The following RPTOR variants were observed in gnomAD, a reference collection of about 807,000 sequenced individuals.
RPTOR encodes the protein regulatory associated protein of MTOR complex 1.
A neutral mutation model predicts 169.9 loss-of-function variants in RPTOR; 21 were observed. That is an observed-to-expected ratio of 0.12 (90% CI 0.09 to 0.18). RPTOR has a LOEUF of 0.18. Among genes scored for constraint, RPTOR ranks in the 10% least tolerant of loss-of-function variants. RPTOR has a pLI of 1.00. For synonymous variants in RPTOR, 732 were observed against 753.2 expected, an observed-to-expected ratio of 0.97 and a Z score of 0.46; for missense variants, 1,133 against 1,855.9, an observed-to-expected ratio of 0.61 and a Z score of 7.16.
At chr17:80,904,132 G>A (rs375045322) in intron 20 of RPTOR, among the ~76,000 whole-genome samples, 173 of 152,310 alleles carry the variant, frequency 1.1e-3, no homozygotes, top group Middle Eastern at 3.4e-3. Context: ...CCACGGCTCC[G>A]GCCGGCCCAG....
At chr17:80,675,658 G>A (rs531413241) in intron 3 of RPTOR, among the ~76,000 whole-genome samples, 3 of 151,968 alleles carry the variant, frequency 2.0e-5, no homozygotes, top group Admixed American at 1.3e-4. Context: ...TCAGGCCCGC[G>A]GAACCCGGCT....
At chr17:80,580,002 A>G (rs1330499937) in intron 1 of RPTOR, among the ~76,000 whole-genome samples, 1 of 152,214 alleles carries the variant, frequency 6.6e-6, no homozygotes, top group African/African-American at 2.4e-5. Flanking sequence ...TTTTAAAATA[A>G]TTGACTTACA....
At chr17:80,917,260 G>A (rs1023832826) in intron 21 of RPTOR, among the ~76,000 whole-genome samples, 3 of 151,608 alleles carry the variant, frequency 2.0e-5, no homozygotes, top group East Asian at 2.0e-4. Context: ...TTACAGGCAC[G>A]CGCTACCATG....
chr17:80,690,430 A>C (rs150541807), intron 3 of RPTOR, among the ~76,000 whole-genome samples: 1 of 152,340 alleles, frequency 6.6e-6, no homozygotes, highest in Non-Finnish European at 1.5e-5. Flanking sequence ...AATCCATGTA[A>C]TTAATCCAAA....
At chr17:80,625,019 G>A (rs1482931476) in intron 1 of RPTOR, among the ~76,000 whole-genome samples, 1 of 152,190 alleles carries the variant, frequency 6.6e-6, no homozygotes, top group Admixed American at 6.5e-5. Context: ...TCTTTAAACT[G>A]AGATCTGAAG....
chr17:80,553,234 T>C (rs1418534739), intron 1 of RPTOR, among the ~76,000 whole-genome samples: 1 of 152,242 alleles, frequency 6.6e-6, no homozygotes, highest in African/African-American at 2.4e-5. Flanking sequence ...CTGTGTGTGC[T>C]GCTCCTTCTC....
intron 6 of RPTOR, among the ~76,000 whole-genome samples, chr17:80,760,818 C>A (rs1384019259): frequency 6.7e-6 from 1 of 148,242 alleles, no homozygotes; most frequent in Non-Finnish European, 1.5e-5. Context: ...GAAACGGTTT[C>A]TAAGCACGCT....
rs774867038 is a variant in RPTOR at position 80,659,239 on chromosome 17, A to G, written c.348+15429A>G. Among the ~76,000 whole-genome samples the G allele has an allele frequency of 3.3e-5, 5 of 152,334 alleles. No homozygotes were observed. Among genetic ancestry groups the G allele is most frequent in the East Asian group, 1.9e-4 (1 of 5,184 alleles). On this transcript the variant is annotated intron_variant, in intron 3 of 33. Coordinates refer to ENST00000306801, the MANE Select transcript of RPTOR (RefSeq NM_020761.3). This position sits in a 1 kb window ranked among gnomAD's most constrained non-coding sequence, Gnocchi z 4.3. ...CACAGGGTGACCCTGGGTGAAATGT[A>G]GGCTCCATGGCTCCGAGGGGGAAGT...
In RPTOR at chr17:80,757,079, T is replaced by C. The variant is rs185303846; in HGVS notation, c.830+2894T>C. Among the ~76,000 whole-genome samples the C allele has an allele frequency of 2.9e-3, 442 of 152,016 alleles. 3 individuals are homozygous for C. The highest frequency in any genetic ancestry group is 0.01 in the African/African-American group (422 of 41,470). On this transcript the variant is annotated intron_variant, in intron 6 of 33. Coordinates refer to ENST00000306801, the MANE Select transcript of RPTOR (RefSeq NM_020761.3). The stretch of plus-strand genomic sequence containing the variant: ...TACAGTGGGGGCTCACAGGAGGCCA[T>C]GGGAAAGGGTCGAGATGGGAAACAG...
chr17:80,756,924 A>G (rs566901403), intron 6 of RPTOR, among the ~76,000 whole-genome samples: 14 of 152,340 alleles, frequency 9.2e-5, no homozygotes, highest in African/African-American at 3.4e-4. Context: ...CAGACAAGAA[A>G]AAGTACTATA....
chr17:80,789,224 T>C (rs1054484354), intron 6 of RPTOR, among the ~76,000 whole-genome samples: 9 of 152,236 alleles, frequency 5.9e-5, no homozygotes, highest in African/African-American at 1.9e-4. Context: ...TTTCTCTTGA[T>C]TTTAGATAGT....
chr17:80,757,503 C>T (rs2066692492), intron 6 of RPTOR, among the ~76,000 whole-genome samples: 1 of 152,134 alleles, frequency 6.6e-6, no homozygotes, highest in African/African-American at 2.4e-5. Flanking sequence ...TCTCCTTTCG[C>T]ATTACTTTCT....
rs1166711662 is a variant in RPTOR, at chr17:80,583,182, G to GTTTTTTTTTTTTTTTTTTTTTT, written c.162+37394_162+37415dup. Among the ~76,000 whole-genome samples, 2 of 79,270 alleles carry GTTTTTTTTTTTTTTTTTTTTTT rather than the reference G, an allele frequency of 2.5e-5. 1 individual carries two copies. Among genetic ancestry groups the GTTTTTTTTTTTTTTTTTTTTTT allele is most frequent in the Non-Finnish European group, 4.9e-5 (2 of 41,000 alleles). 52.0% of individuals were successfully genotyped at this position (79,270 alleles called of 152,430 possible). A position where few individuals can be genotyped will look rare whatever the true frequency, so the allele number is the denominator to read the frequency against. On this transcript the variant is annotated intron_variant, in intron 1 of 33. Coordinates refer to ENST00000306801, the MANE Select transcript of RPTOR (RefSeq NM_020761.3). ...GGTCCCTGTCCACTGCCTCTTTCCTGTTTTTTTTTTTTTTTTTTTTTTTTG... is the reference window on the plus strand; with the variant it reads ...GGTCCCTGTCCACTGCCTCTTTCCTGTTTTTTTTTTTTTTTTTTTTTTTTTTTTTTTTTTTTTTTTTTTTTTG...
chr17:80,547,060 CTG>C (rs950208097), intron 1 of RPTOR, among the ~76,000 whole-genome samples: 44 of 152,242 alleles, frequency 2.9e-4, no homozygotes, highest in African/African-American at 1.1e-3. Context: ...CAGAGTGAGA[CTG>C]TGTCTCAAAA....
chr17:80,814,105 C>T (rs2067300362), intron 7 of RPTOR, among the ~76,000 whole-genome samples: 1 of 152,144 alleles, frequency 6.6e-6, no homozygotes, highest in South Asian at 2.1e-4. Flanking sequence ...CAAGCCTGTG[C>T]ACTTCAACCT....
rs2066574420 is a variant in RPTOR at position 80,746,303 on chromosome 17, GA to G, written c.655-7706del. 7.1e-6 allele frequency among the ~76,000 whole-genome samples: 1 copy of G among 140,986 alleles called. No homozygotes were observed. The highest frequency in any genetic ancestry group is 7.0e-5 in the Admixed American group (1 of 14,328). 92.5% of individuals were successfully genotyped at this position (140,986 alleles called of 152,430 possible). On this transcript the variant is annotated intron_variant, in intron 5 of 33. Transcript: ENST00000306801. This position sits in a 1 kb window ranked among gnomAD's most constrained non-coding sequence, Gnocchi z 4.5. ...CCCCACAGCGGTGCTTTCTGCGGGT[GA>G]TCCCCACCGCCCCCACAGCGGTGCT...
chr17:80,663,132 C>T (rs1030473549), intron 3 of RPTOR, among the ~76,000 whole-genome samples: 37 of 152,296 alleles, frequency 2.4e-4, no homozygotes, highest in East Asian at 1.9e-4. Flanking sequence ...GAGACTCGTC[C>T]GGGCGGCAGC....
chr17:80,896,383 CCT>C (rs1394009440), intron 20 of RPTOR, among the ~76,000 whole-genome samples: 47,835 of 99,948 alleles, frequency 0.48, 14,533 homozygotes, highest in Non-Finnish European at 0.59. Flanking sequence ...CCCCACGCGG[CCT>C]CGCTGACACC....
intron 3 of RPTOR, among the ~76,000 whole-genome samples, chr17:80,662,129 TA>T (rs1310928056): frequency 6.6e-6 from 1 of 152,158 alleles, no homozygotes; most frequent in Middle Eastern, 3.2e-3. Context: ...TCCTCCTGCT[TA>T]ATCACACTCA....
Sources: allele counts gnomAD v4.1 joint callset (sites outside exome capture counted in the v4.1 genomes callset), GRCh38; gene constraint gnomAD v4.1.1; non-coding constraint Gnocchi (gnomAD v3.1); transcripts MANE v1.5; gene names NCBI Gene and HGNC (gene_info 2026-07-23, HGNC 2026-07-21).